PIK3C2G: variants seen among roughly 807,000 people sequenced by gnomAD.
PIK3C2G encodes the protein phosphatidylinositol-4-phosphate 3-kinase catalytic subunit type 2 gamma, also known as phosphatidylinositol 3-kinase C2 domain-containing subunit gamma.
In PIK3C2G, 168 loss-of-function variants were observed where a neutral mutation model predicts 181.1. The observed-to-expected ratio is 0.93, with a 90% confidence interval of 0.82 to 1.05. The LOEUF (loss-of-function observed/expected upper bound fraction) is 1.05, where lower values mean the gene tolerates loss of function less well. Ranked by LOEUF, PIK3C2G falls within the 50% of genes least tolerant of loss-of-function variation. The pLI is 0.00. For missense variants in PIK3C2G, 1,869 were observed against 1,732.8 expected, an observed-to-expected ratio of 1.08 and a Z score of -1.40; for synonymous variants, 573 against 592.2, an observed-to-expected ratio of 0.97 and a Z score of 0.47.
intron 13 of PIK3C2G, among the ~76,000 whole-genome samples, chr12:18,374,501 T>C (rs1250168161): frequency 6.6e-6 from 1 of 152,136 alleles, no homozygotes; most frequent in African/African-American, 2.4e-5. Context: ...TGAAGGAAGA[T>C]TGAAAAACCG....
chr12:18,482,617 G>GC (rs34985518), intron 18 of PIK3C2G, among the ~76,000 whole-genome samples: 8 of 152,082 alleles, frequency 5.3e-5, no homozygotes, highest in East Asian at 3.9e-4. Flanking sequence ...TTGCTTCTTT[G>GC]CCCCCCCTTT....
At chr12:18,318,795 TAA>T (rs551213713) in intron 6 of PIK3C2G, among the ~76,000 whole-genome samples, 38 of 137,968 alleles carry the variant, frequency 2.8e-4, no homozygotes, top group African/African-American at 3.6e-4. Flanking sequence ...AAAGTTGTTC[TAA>T]AAAAAAAAAA....
In PIK3C2G at chr12:18,325,087, T is replaced by A; in HGVS notation, c.1261T>A (p.Leu421Met). ...RKYDFHLKYL[L>M]KTQENVYNII... ...ATATGACTTCCACCTGAAATACCTA[T>A]TGAAAACCCAGGTATTGACTTTTGT... The change falls in exon 8 of 33, where the codon TTG becomes ATG. Residue 421 changes from leucine (L) to methionine (M), a missense_variant. Coordinates refer to ENST00000538779, the MANE Select transcript of PIK3C2G (RefSeq NM_001288772.2). The A allele has an allele frequency of 1.3e-6, 2 of 1,551,832 alleles. No individual in the cohort carries two copies. The highest frequency in any genetic ancestry group is 1.8e-6 in the Non-Finnish European group (2 of 1,126,300).
intron 4 of PIK3C2G, among the ~76,000 whole-genome samples, chr12:18,292,223 A>ATATAT (rs1555149033): frequency 1.6e-5 from 1 of 64,462 alleles, no homozygotes; most frequent in African/African-American, 6.9e-5. Flanking sequence ...AAAAAAAAAA[A>ATATAT]AAAAATATAT....
At chr12:18,412,808 C>T (rs1466115623) in intron 16 of PIK3C2G, among the ~76,000 whole-genome samples, 1 of 152,114 alleles carries the variant, frequency 6.6e-6, no homozygotes, top group Non-Finnish European at 1.5e-5. Flanking sequence ...TACAACAAAT[C>T]CTAACCATTG....
chr12:18,306,617 G>C (rs928822905), intron 5 of PIK3C2G, among the ~76,000 whole-genome samples: 1 of 152,010 alleles, frequency 6.6e-6, no homozygotes, highest in Non-Finnish European at 1.5e-5. Context: ...TAGAAATTTT[G>C]AAGGGGCACA....
At chr12:18,527,410 C>T (rs895929369) in intron 24 of PIK3C2G, among the ~76,000 whole-genome samples, 1 of 152,168 alleles carries the variant, frequency 6.6e-6, no homozygotes, top group Non-Finnish European at 1.5e-5. Flanking sequence ...ATGCCTCATA[C>T]ATACATTTTG....
At chr12:18,329,035 G>T (rs1025625368) in intron 8 of PIK3C2G, among the ~76,000 whole-genome samples, 1 of 151,874 alleles carries the variant, frequency 6.6e-6, no homozygotes, top group African/African-American at 2.4e-5. Context: ...CACAACTGCA[G>T]AATTGAAACT....
intron 14 of PIK3C2G, among the ~76,000 whole-genome samples, chr12:18,387,717 G>A (rs73066530): frequency 0.1 from 15,169 of 152,016 alleles, 1,072 homozygotes; most frequent in Admixed American, 0.25. Context: ...TTATCACTTC[G>A]TATTCCTTCC....
intron 20 of PIK3C2G, among the ~76,000 whole-genome samples, chr12:18,494,305 TA>T (rs769218708): frequency 5.9e-5 from 9 of 152,154 alleles, no homozygotes; most frequent in Non-Finnish European, 1.3e-4. Context: ...CAAGATCTAG[TA>T]AAACTCTGAA....
intron 13 of PIK3C2G, among the ~76,000 whole-genome samples, chr12:18,380,202 T>G (rs1375843844): frequency 6.6e-6 from 1 of 152,194 alleles, no homozygotes. Context: ...CCGTGCTTAC[T>G]CAGGTCCTTC....
At chr12:18,343,575 A>T (rs1369478222) in intron 10 of PIK3C2G, among the ~76,000 whole-genome samples, 1 of 151,954 alleles carries the variant, frequency 6.6e-6, no homozygotes, top group Non-Finnish European at 1.5e-5. Flanking sequence ...AAAAATCTGC[A>T]CTCTCTAAAC....
At chr12:18,310,044 G>A (rs1950575889) in intron 5 of PIK3C2G, among the ~76,000 whole-genome samples, 1 of 151,754 alleles carries the variant, frequency 6.6e-6, no homozygotes, top group Admixed American at 6.6e-5. Context: ...CTATGAAAAT[G>A]AAGTTGAAAT....
chr12:18,701,040 A>G, the PIK3C2G span, among the ~76,000 whole-genome samples: 1 of 151,456 alleles, frequency 6.6e-6, no homozygotes, highest in African/African-American at 2.4e-5. Flanking sequence ...GTTGGAGTGC[A>G]ATGGCTCGAT....
intron 17 of PIK3C2G, among the ~76,000 whole-genome samples, 153 bp downstream of exon 17, chr12:18,421,187 C>A (rs967560138): frequency 6.6e-6 from 1 of 151,912 alleles, no homozygotes; most frequent in Non-Finnish European, 1.5e-5. Context: ...TGAAGACATT[C>A]TCTAGCTGAA....
chr12:18,275,430 G>A (rs187750651), intron 1 of PIK3C2G, among the ~76,000 whole-genome samples: 37 of 152,060 alleles, frequency 2.4e-4, no homozygotes, highest in South Asian at 1.0e-3. Flanking sequence ...TGCCCAGGCC[G>A]GAGTGCAGTG....
chr12:18,601,153 C>T (rs1168672906), intron 30 of PIK3C2G, among the ~76,000 whole-genome samples: 3 of 151,854 alleles, frequency 2.0e-5, no homozygotes, highest in African/African-American at 4.8e-5. Context: ...TAGTACTATA[C>T]ATAATATATA....
chr12:18,392,869 G>A (rs1017419631), intron 15 of PIK3C2G, among the ~76,000 whole-genome samples: 1 of 152,016 alleles, frequency 6.6e-6, no homozygotes, highest in African/African-American at 2.4e-5. Flanking sequence ...GGTATAAAAA[G>A]TTGCCTTAAG....
intron 1 of PIK3C2G, among the ~76,000 whole-genome samples, chr12:18,267,785 T>C (rs1396755597): frequency 6.6e-6 from 1 of 152,250 alleles, no homozygotes; most frequent in Non-Finnish European, 1.5e-5. Context: ...CTAGCCAATA[T>C]ATAGTTCTTC....
Sources: allele counts gnomAD v4.1 joint callset (sites outside exome capture counted in the v4.1 genomes callset), GRCh38; gene constraint gnomAD v4.1.1; transcripts MANE v1.5; gene names NCBI Gene and HGNC (gene_info 2026-07-23, HGNC 2026-07-21).